USP20: variants seen among roughly 807,000 people sequenced by gnomAD.
USP20 encodes the protein ubiquitin specific peptidase 20.
USP20 carries 80 observed loss-of-function variants against 124.2 expected under a neutral mutation model. That is an observed-to-expected ratio of 0.64 (90% CI 0.54 to 0.78). The LOEUF (loss-of-function observed/expected upper bound fraction) is 0.78, where lower values mean the gene tolerates loss of function less well. Among genes scored for constraint, USP20 ranks in the 30% least tolerant of loss-of-function variants. The probability of loss-of-function intolerance (pLI) is 0.00; values close to 1 mark genes in which losing one functional copy is unlikely to be tolerated. For synonymous variants in USP20, 481 were observed against 512.3 expected (o/e 0.94, Z 0.83); for missense variants, 1,043 against 1,244.4 (o/e 0.84, Z 2.44).
Position 129,863,236 on chromosome 9 carries a change from A to G in USP20, c.548A>G (p.Asp183Gly), listed in dbSNP as rs529062290. ...GAGTGTGGCGGCCTGGTGCGCACAGATAAGAAGCCAGCCCTGTGCAAGAGC... is the reference window on the plus strand; with the variant it reads ...GAGTGTGGCGGCCTGGTGCGCACAGGTAAGAAGCCAGCCCTGTGCAAGAGC... ...FLECGGLVRT[D>G]KKPALCKSYQ... The change falls in exon 9 of 26, where the codon GAT becomes GGT. Residue 183 changes from aspartate (D) to glycine (G), a missense_variant. Asp to Gly is a moderately conservative substitution (Grantham distance 94). Coordinates refer to ENST00000372429, the MANE Select transcript of USP20 (RefSeq NM_001110303.4). The G allele has an allele frequency of 1.3e-6, 2 of 1,551,110 alleles. No individual in the cohort carries two copies. Among genetic ancestry groups the G allele is most frequent in the African/African-American group, 2.7e-5 (2 of 73,234 alleles).
chr9:129,878,245 G>A, intron 22 of USP20, 93 bp from the exon 23 acceptor site: 1 of 992,530 alleles, frequency 1.0e-6, no homozygotes, highest in Non-Finnish European at 1.6e-6. Flanking sequence ...TCTTGGGTGA[G>A]GGACTGGGGC....
In USP20 at chr9:129,879,494, C is replaced by T. The variant is rs540733631; in HGVS notation, c.2513-79C>T. ...GCTGACCCCCAGGCCTGGGGCGGCC[C>T]CACTTGGGATGGCTCTGCTGCTGTG... On this transcript the variant is annotated intron_variant, in intron 23 of 25. Transcript: ENST00000372429. This position sits in a 1 kb window ranked among gnomAD's most constrained non-coding sequence, Gnocchi z 4.2. 9 of 1,510,566 alleles carry T rather than the reference C, an allele frequency of 6.0e-6. No homozygotes were observed. The highest frequency in any genetic ancestry group is 3.5e-5 in the Admixed American group (2 of 57,490). The allele number at this position is 1,510,566 out of a possible 1,614,324, so 93.6% of individuals were successfully genotyped here. A position where few individuals can be genotyped will look rare whatever the true frequency, so the allele number is the denominator to read the frequency against.
chr9:129,876,319 T>A, intron 22 of USP20, 81 bp downstream of exon 22: 1 of 1,227,942 alleles, frequency 8.1e-7, no homozygotes, highest in Non-Finnish European at 1.2e-6. Context: ...AGAAGAATCC[T>A]GTGCAGTCCC....
intron 11 of USP20, 39 bp from the exon 12 acceptor site, chr9:129,868,823 G>C: frequency 6.6e-7 from 1 of 1,517,612 alleles, no homozygotes; most frequent in Non-Finnish European, 8.8e-7. Flanking sequence ...GAGCTGGCCT[G>C]GCTGCCCTGG....
intron 4 of USP20, among the ~76,000 whole-genome samples, chr9:129,857,469 A>G (rs918602502): frequency 1.5e-4 from 23 of 152,184 alleles, no homozygotes; most frequent in Non-Finnish European, 2.4e-4. Context: ...GTGGAGGCTC[A>G]CAGTGGAAGC....
intron 1 of USP20, among the ~76,000 whole-genome samples, chr9:129,843,199 G>C (rs59392569): frequency 0.13 from 19,540 of 151,236 alleles, 1,741 homozygotes; most frequent in African/African-American, 0.25. Flanking sequence ...GGAGGCCGCA[G>C]TGGACAGATC....
In USP20 at chr9:129,868,198, G is replaced by A. The variant is rs1461411466; in HGVS notation, c.884G>A (p.Gly295Asp). The change falls in exon 11 of 26, where the codon GGT becomes GAT. Residue 295 changes from glycine (G) to aspartate (D), a missense_variant. Gly to Asp is a moderately conservative substitution (Grantham distance 94, BLOSUM62 -1). Coordinates refer to ENST00000372429, the MANE Select transcript of USP20 (RefSeq NM_001110303.4). The stretch of plus-strand genomic sequence containing the variant: ...GACTCGAGCAGTGACCGGGGTGAGG[G>A]TGACGGGCAGGGGCGTGGCGGGGGC... ...SCDSSSDRGE[G>D]DGQGRGGGSS... 2 of 1,613,960 alleles carry A rather than the reference G, an allele frequency of 1.2e-6. No individual in the cohort carries two copies. The highest frequency in any genetic ancestry group is 1.7e-6 in the Non-Finnish European group (2 of 1,179,958).
rs548558945 is a variant in USP20 at position 129,846,221 on chromosome 9, G to A, written c.-128-3592G>A. 4.8e-3 allele frequency among the ~76,000 whole-genome samples: 578 copies of A among 121,058 alleles called. 4 individuals are homozygous for A. Among genetic ancestry groups the A allele is most frequent in the East Asian group, 0.019 (73 of 3,900 alleles). The allele number at this position is 121,058 out of a possible 152,430, so 79.4% of individuals were successfully genotyped here. ...TGGGGTTACAGTCGTGAGCCACTGC[G>A]CCCAGCCATATATATATATATATAT... is the stretch of plus-strand genomic sequence containing the variant. On this transcript the variant is annotated intron_variant, in intron 1 of 25. Coordinates refer to ENST00000372429, the MANE Select transcript of USP20 (RefSeq NM_001110303.4).
rs1299403332 is a variant in USP20 at position 129,856,369 on chromosome 9, C to T, written c.135+9C>T. ...TATGGGCCTGTCTGCAGGTAAAAGA[C>T]CCTTGTGGCCATCAGGGGTGTAGAG... On this transcript the variant is annotated intron_variant, in intron 4 of 25. Transcript: ENST00000372429. 6.2e-7 allele frequency: 1 copy of T among 1,614,084 alleles called. No homozygotes were observed. Among genetic ancestry groups the T allele is most frequent in the Non-Finnish European group, 8.5e-7 (1 of 1,179,950 alleles).
intron 1 of USP20, among the ~76,000 whole-genome samples, chr9:129,841,638 C>A (rs1206412784): frequency 6.6e-6 from 1 of 152,186 alleles, no homozygotes; most frequent in South Asian, 2.1e-4. Context: ...AGAAAGGGAA[C>A]CTTCACGTTG....
chr9:129,872,970 G>T (rs2034195840), intron 15 of USP20, among the ~76,000 whole-genome samples: 1 of 151,976 alleles, frequency 6.6e-6, no homozygotes, highest in African/African-American at 2.4e-5. Context: ...GTATTTCTGG[G>T]GTCAAATATA....
intron 12 of USP20, 52 bp downstream of exon 12, chr9:129,869,054 C>G: frequency 6.5e-7 from 1 of 1,542,534 alleles, no homozygotes; most frequent in Non-Finnish European, 8.8e-7. Flanking sequence ...GTACAGATTA[C>G]GCCCGTAGCT....
intron 9 of USP20, 94 bp downstream of exon 9, chr9:129,863,393 C>A: frequency 3.0e-6 from 3 of 1,005,508 alleles, no homozygotes; most frequent in East Asian, 2.8e-5. Context: ...ATTCAGCCCC[C>A]AGCGAGGACT....
At position 129,878,397 on chromosome 9, in the gene USP20, G is replaced by A. The variant is rs766058952; in HGVS notation, c.2469G>A (p.Gln823=). Residue 823 remains glutamine, a synonymous_variant, in exon 23 of 26, where the codon CAG becomes CAA. Coordinates refer to ENST00000372429, the MANE Select transcript of USP20 (RefSeq NM_001110303.4). ...SPGVIYCISM[Q]WFREWEAFVK... ...GCGTCATCTACTGCATCAGCATGCAGTGGTTCCGGGAGTGGGAGGCGTTCG... is the reference window on the plus strand; with the variant it reads ...GCGTCATCTACTGCATCAGCATGCAATGGTTCCGGGAGTGGGAGGCGTTCG... 1 of 1,610,864 alleles carries A rather than the reference G, an allele frequency of 6.2e-7. No homozygotes were observed. Among genetic ancestry groups the A allele is most frequent in the South Asian group, 1.1e-5 (1 of 90,334 alleles).
chr9:129,867,894 G>C (rs370567593), intron 10 of USP20, 111 bp from the exon 11 acceptor site: 2 of 1,329,834 alleles, frequency 1.5e-6, no homozygotes, highest in Admixed American at 5.3e-5. Context: ...TGCAGGGGGC[G>C]CCCATGAGGT....
At chr9:129,846,243 A>ATTTTTTT (rs1270846866) in intron 1 of USP20, among the ~76,000 whole-genome samples, 15 of 36,024 alleles carry the variant, frequency 4.2e-4, no homozygotes, top group East Asian at 8.4e-4. Context: ...ATATATATAT[A>ATTTTTTT]TATATTTTTT....
intron 6 of USP20, among the ~76,000 whole-genome samples, chr9:129,860,710 C>T (rs1358829018): frequency 6.6e-6 from 1 of 152,192 alleles, no homozygotes; most frequent in African/African-American, 2.4e-5. Flanking sequence ...GGTGACAAAG[C>T]AAGACCCTGT....
chr9:129,862,179 A>G (rs1273783399), intron 8 of USP20, among the ~76,000 whole-genome samples: 1 of 152,194 alleles, frequency 6.6e-6, no homozygotes, highest in East Asian at 1.9e-4. Context: ...AATGCGTAGA[A>G]AAGTCTGGAA....
At chr9:129,859,424 C>T (rs576657939) in intron 6 of USP20, among the ~76,000 whole-genome samples, 4 of 151,090 alleles carry the variant, frequency 2.6e-5, no homozygotes, top group East Asian at 3.9e-4. Context: ...CAGGCGCCCA[C>T]GACCATGCCT....
Sources: gnomAD v4.1 joint callset for allele counts (sites outside exome capture counted in the v4.1 genomes callset) on GRCh38, gnomAD v4.1.1 for gene constraint, Gnocchi (gnomAD v3.1) non-coding constraint, MANE v1.5 for transcripts, NCBI Gene and HGNC (gene_info 2026-07-23, HGNC 2026-07-21) for gene names.